Variants in ETV5 observed in about 807,000 individuals in gnomAD.
ETV5 encodes the protein ETS translocation variant 5.
Under a neutral mutation model 70.0 loss-of-function variants are expected in ETV5, and 10 were observed. The ratio of observed to expected loss-of-function variants is 0.14; its 90% CI spans 0.09 to 0.24. ETV5 has a LOEUF of 0.24. Ranked by LOEUF, ETV5 falls within the 10% of genes least tolerant of loss-of-function variation. The pLI, the probability that ETV5 is intolerant of heterozygous loss-of-function variation, is 1.00. For missense variants in ETV5, 453 were observed against 651.2 expected, an observed-to-expected ratio of 0.70 and a Z score of 3.31; for synonymous variants, 216 against 242.2, an observed-to-expected ratio of 0.89 and a Z score of 1.01.
intron 5 of ETV5, among the ~76,000 whole-genome samples, chr3:186,098,167 G>T (rs1461412855): frequency 6.6e-6 from 1 of 152,230 alleles, no homozygotes; most frequent in Non-Finnish European, 1.5e-5. Flanking sequence ...GCAAAAGTCC[G>T]CTAGAAGTAA....
At chr3:186,096,417 T>C (rs1312829471) in intron 5 of ETV5, among the ~76,000 whole-genome samples, 2 of 152,154 alleles carry the variant, frequency 1.3e-5, no homozygotes, top group African/African-American at 4.8e-5. Context: ...TTACAAAGCA[T>C]TTCCAGGCAC....
In ETV5 at chr3:186,070,593, G is replaced by A. The variant is rs139573174; in HGVS notation, c.651-4521C>T. The stretch of plus-strand genomic sequence containing the variant: ...GGGGATCTCAGGGGTAGGTCACAAA[G>A]CCAACATATTTGGAAGAAAGATTCT... On this transcript the variant is annotated intron_variant, in intron 7 of 12. Coordinates refer to ENST00000306376, the MANE Select transcript of ETV5 (RefSeq NM_004454.3). 2.5e-4 allele frequency among the ~76,000 whole-genome samples: 38 copies of A among 152,362 alleles called. 1 individual carries two copies. The highest frequency in any genetic ancestry group is 8.7e-4 in the African/African-American group (36 of 41,572).
intron 5 of ETV5, among the ~76,000 whole-genome samples, chr3:186,103,668 CACTT>C (rs1291687062): frequency 1.4e-5 from 2 of 145,530 alleles, no homozygotes; most frequent in African/African-American, 2.6e-5. Context: ...CACACACACA[CACTT>C]GGATTATCTT....
intron 9 of ETV5, among the ~76,000 whole-genome samples, chr3:186,063,029 T>G (rs893653745): frequency 8.5e-5 from 13 of 152,202 alleles, no homozygotes; most frequent in African/African-American, 3.1e-4. Context: ...CCCAGCACTT[T>G]GGGAGGCCGA....
Position 186,052,644 on chromosome 3 carries a change from A to C in ETV5, c.1210-513T>G, listed in dbSNP as rs567856235. Among the ~76,000 whole-genome samples the C allele has an allele frequency of 6.6e-6, 1 of 152,246 alleles. No individual in the cohort carries two copies. The highest frequency in any genetic ancestry group is 1.9e-4 in the East Asian group (1 of 5,182). On this transcript the variant is annotated intron_variant, in intron 11 of 12. Transcript: ENST00000306376. The surrounding 1 kb of genome is among the most constrained non-coding windows in gnomAD (Gnocchi z 4.5). ...TATTGCAGCTCATGGACTAAGGGGG[A>C]ATCAGATCATTTCAGCCTGCTGCCA...
chr3:186,090,859 C>T (rs1335961485), intron 5 of ETV5, among the ~76,000 whole-genome samples: 1 of 152,222 alleles, frequency 6.6e-6, no homozygotes, highest in Non-Finnish European at 1.5e-5. Flanking sequence ...GCTTTCGCTG[C>T]TCTGAGCCTG....
At chr3:186,089,909 A>G (rs1379101758) in intron 5 of ETV5, among the ~76,000 whole-genome samples, 1 of 152,250 alleles carries the variant, frequency 6.6e-6, no homozygotes, top group Non-Finnish European at 1.5e-5. Flanking sequence ...TAATTTTCTC[A>G]GGCTATGTAG....
chr3:186,055,134 A>G (rs982430585), intron 11 of ETV5, among the ~76,000 whole-genome samples: 1 of 152,202 alleles, frequency 6.6e-6, no homozygotes, highest in African/African-American at 2.4e-5. Flanking sequence ...AGGAGTGCAG[A>G]AGATTCAATA....
chr3:186,090,291 C>T (rs761657380), intron 5 of ETV5, among the ~76,000 whole-genome samples: 11 of 152,186 alleles, frequency 7.2e-5, no homozygotes, highest in Admixed American at 1.3e-4. Context: ...AATGTCTACG[C>T]CAGTGGTTCT....
At chr3:186,058,906 G>A (rs1326682527) in intron 9 of ETV5, among the ~76,000 whole-genome samples, 1 of 151,834 alleles carries the variant, frequency 6.6e-6, no homozygotes, top group Non-Finnish European at 1.5e-5. Flanking sequence ...CCAGCTACCT[G>A]GGAGGCTGAG....
Position 186,052,187 on chromosome 3 carries a change from C to T in ETV5, c.1210-56G>A. On this transcript the variant is annotated intron_variant, in intron 11 of 12. Transcript: ENST00000306376. This position sits in a 1 kb window ranked among gnomAD's most constrained non-coding sequence, Gnocchi z 4.5. The stretch of plus-strand genomic sequence containing the variant: ...AAACGCATTCCCTGGGCCCCATGTT[C>T]TCTCCCAATCCCAGCAGAGCCAGTT... 1 of 1,538,140 alleles carries T rather than the reference C, an allele frequency of 6.5e-7. No individual in the cohort carries two copies. The highest frequency in any genetic ancestry group is 9.0e-7 in the Non-Finnish European group (1 of 1,112,724).
chr3:186,080,966 C>G, intron 6 of ETV5, 80 bp downstream of exon 6: 2 of 1,500,490 alleles, frequency 1.3e-6, no homozygotes, highest in Non-Finnish European at 1.8e-6. Flanking sequence ...GTAAGTAACA[C>G]TGGGAAGGAA....
chr3:186,046,858 A>G lies in ETV5; in HGVS notation c.*1781T>C, dbSNP rs1022003708. On this transcript the variant is annotated 3_prime_UTR_variant, in exon 13 of 13. Transcript: ENST00000306376. ...GTCCTTTGATTAGAGTACAATGCTAATTAAGGCCCAATCTACAGGTTTACC... is the reference window on the plus strand; with the variant it reads ...GTCCTTTGATTAGAGTACAATGCTAGTTAAGGCCCAATCTACAGGTTTACC... 11 of 231,404 alleles carry G rather than the reference A, an allele frequency of 4.8e-5. No homozygotes were observed. Among genetic ancestry groups the G allele is most frequent in the African/African-American group, 2.4e-4 (11 of 45,226 alleles). 14.3% of individuals were successfully genotyped at this position (231,404 alleles called of 1,614,324 possible).
Position 186,052,302 on chromosome 3 carries a change from G to A in ETV5, c.1210-171C>T, listed in dbSNP as rs1713051501. ...CCTCAAGACCAAACATTCAACAAAGGCGATGATTCAGTGACAACTACTAGG... is the reference window on the plus strand; with the variant it reads ...CCTCAAGACCAAACATTCAACAAAGACGATGATTCAGTGACAACTACTAGG... On this transcript the variant is annotated intron_variant, in intron 11 of 12. Transcript: ENST00000306376. The surrounding 1 kb of genome is among the most constrained non-coding windows in gnomAD (Gnocchi z 4.5). Among the ~76,000 whole-genome samples, 3 of 152,258 alleles carry A rather than the reference G, an allele frequency of 2.0e-5. No individual in the cohort carries two copies. Among genetic ancestry groups the A allele is most frequent in the Admixed American group, 6.5e-5 (1 of 15,282 alleles).
At chr3:186,080,137 C>G in intron 6 of ETV5, 33 bp from the exon 7 acceptor site, 2 of 1,450,068 alleles carry the variant, frequency 1.4e-6, no homozygotes, top group Non-Finnish European at 1.8e-6. Flanking sequence ...AACCATTAAG[C>G]TGAAATGAAG....
chr3:186,079,384 A>AT (rs1252041180), intron 7 of ETV5: 2 of 232,606 alleles, frequency 8.6e-6, no homozygotes, highest in African/African-American at 4.4e-5. Context: ...TTAAAATCAG[A>AT]TAAGTAATAT....
intron 11 of ETV5, among the ~76,000 whole-genome samples, chr3:186,056,431 A>G (rs1360773650): frequency 6.6e-6 from 1 of 151,832 alleles, no homozygotes; most frequent in Non-Finnish European, 1.5e-5. Flanking sequence ...TATTTTTTGT[A>G]GAGATAAGGT....
chr3:186,099,142 C>CA (rs1714386460), intron 5 of ETV5, among the ~76,000 whole-genome samples: 1 of 152,162 alleles, frequency 6.6e-6, no homozygotes, highest in Non-Finnish European at 1.5e-5. Flanking sequence ...GTTGCTAACC[C>CA]ACTGTCATTT....
In ETV5 at chr3:186,054,029, T is replaced by C. The variant is rs1713097628; in HGVS notation, c.1210-1898A>G. Among the ~76,000 whole-genome samples the C allele has an allele frequency of 6.6e-6, 1 of 152,256 alleles. No homozygotes were observed. The highest frequency in any genetic ancestry group is 1.5e-5 in the Non-Finnish European group (1 of 68,050). On this transcript the variant is annotated intron_variant, in intron 11 of 12. Coordinates refer to ENST00000306376, the MANE Select transcript of ETV5 (RefSeq NM_004454.3). This position sits in a 1 kb window ranked among gnomAD's most constrained non-coding sequence, Gnocchi z 4.4. ...GGCCACCTCTCAGCTGTCACTTGCA[T>C]ATGCAATTGCTTACTGGAGAAAGGT...
Sources: allele counts gnomAD v4.1 joint callset (sites outside exome capture counted in the v4.1 genomes callset), GRCh38; gene constraint gnomAD v4.1.1; non-coding constraint Gnocchi (gnomAD v3.1); transcripts MANE v1.5; gene names NCBI Gene and HGNC (gene_info 2026-07-23, HGNC 2026-07-21).